GRIA1: variants seen among roughly 807,000 people sequenced by gnomAD.
The protein encoded by GRIA1 is glutamate receptor 1.
Under a neutral mutation model 99.2 loss-of-function variants are expected in GRIA1, and 31 were observed. The ratio of observed to expected loss-of-function variants is 0.31; its 90% CI spans 0.23 to 0.42. The LOEUF is 0.42. Ranked by LOEUF, GRIA1 falls within the 10% of genes least tolerant of loss-of-function variation. The probability of loss-of-function intolerance (pLI) is 1.00; values close to 1 mark genes in which losing one functional copy is unlikely to be tolerated. For missense variants in GRIA1, 782 were observed against 1,157.5 expected, an observed-to-expected ratio of 0.68 and a Z score of 4.71; for synonymous variants, 438 against 432.4, an observed-to-expected ratio of 1.01 and a Z score of -0.16.
chr5:153,718,550 TCA>T (rs1349459703), intron 11 of GRIA1, among the ~76,000 whole-genome samples: 1 of 152,190 alleles, frequency 6.6e-6, no homozygotes, highest in African/African-American at 2.4e-5. Context: ...CCATTGAGTC[TCA>T]GTTTCCTCAA....
intron 2 of GRIA1, among the ~76,000 whole-genome samples, chr5:153,644,637 G>C (rs2149450506): frequency 6.6e-6 from 1 of 152,148 alleles, no homozygotes; most frequent in East Asian, 1.9e-4. Context: ...AATTATTTTA[G>C]ATTAATTAAA....
chr5:153,694,067 A>G (rs1253134283), intron 8 of GRIA1, among the ~76,000 whole-genome samples: 2 of 152,214 alleles, frequency 1.3e-5, no homozygotes, highest in Non-Finnish European at 2.9e-5. Context: ...TTTGTTTACA[A>G]TTTCTAACTA....
intron 11 of GRIA1, among the ~76,000 whole-genome samples, chr5:153,746,283 G>A (rs1762153022): frequency 6.6e-6 from 1 of 152,304 alleles, no homozygotes; most frequent in Non-Finnish European, 1.5e-5. Flanking sequence ...ATGTGGGAGG[G>A]AGGGACTGAG....
intron 2 of GRIA1, among the ~76,000 whole-genome samples, chr5:153,575,501 G>T (rs1333139397): frequency 6.6e-6 from 1 of 152,196 alleles, no homozygotes; most frequent in Non-Finnish European, 1.5e-5. Flanking sequence ...AAGTCCTAAA[G>T]GCTGTGAAAA....
intron 2 of GRIA1, among the ~76,000 whole-genome samples, chr5:153,508,026 A>G (rs763251847): frequency 6.6e-6 from 1 of 152,220 alleles, no homozygotes; most frequent in Non-Finnish European, 1.5e-5. Flanking sequence ...CAAAACCAGC[A>G]AACTCCCTGT....
chr5:153,557,458 C>T (rs914531894), intron 2 of GRIA1, among the ~76,000 whole-genome samples: 6 of 152,134 alleles, frequency 3.9e-5, no homozygotes, highest in Non-Finnish European at 7.3e-5. Flanking sequence ...GTGAACTTGG[C>T]TTACTGTAAT....
intron 2 of GRIA1, among the ~76,000 whole-genome samples, chr5:153,499,169 C>G (rs1050545653): frequency 3.9e-5 from 6 of 152,130 alleles, no homozygotes; most frequent in Non-Finnish European, 7.4e-5. Context: ...TTATAACTGT[C>G]TTGAAAGGTG....
intron 2 of GRIA1, among the ~76,000 whole-genome samples, chr5:153,511,821 G>A (rs376835179): frequency 3.9e-5 from 6 of 152,128 alleles, no homozygotes; most frequent in East Asian, 1.9e-4. Flanking sequence ...AGGAATTGCC[G>A]GTGATTTCAG....
intron 13 of GRIA1, among the ~76,000 whole-genome samples, chr5:153,772,711 G>T (rs1344880173): frequency 6.6e-6 from 1 of 152,120 alleles, no homozygotes; most frequent in Non-Finnish European, 1.5e-5. Flanking sequence ...GTTCAAAGGG[G>T]ATTCAGATGA....
chr5:153,753,250 T>C (rs1170449090), intron 11 of GRIA1, among the ~76,000 whole-genome samples: 1 of 152,196 alleles, frequency 6.6e-6, no homozygotes, highest in African/African-American at 2.4e-5. Context: ...CATTGTGTTA[T>C]GCAACAATGG....
At chr5:153,698,762 C>T in intron 9 of GRIA1, 105 bp from the exon 10 acceptor site, 1 of 740,944 alleles carries the variant, frequency 1.3e-6, no homozygotes, top group Non-Finnish European at 2.4e-6. Context: ...GCTAGAGAGC[C>T]TTCCCCAGTG....
chr5:153,640,090 C>G (rs972558442), intron 2 of GRIA1, among the ~76,000 whole-genome samples: 1 of 152,156 alleles, frequency 6.6e-6, no homozygotes, highest in Non-Finnish European at 1.5e-5. Flanking sequence ...TGCCCTGGCC[C>G]CCTGCCCTTG....
intron 2 of GRIA1, among the ~76,000 whole-genome samples, chr5:153,634,953 C>G (rs1439525419): frequency 6.6e-6 from 1 of 152,100 alleles, no homozygotes; most frequent in Non-Finnish European, 1.5e-5. Flanking sequence ...TTTATTTTAT[C>G]CTTCATTTTT....
intron 2 of GRIA1, among the ~76,000 whole-genome samples, chr5:153,542,820 C>CT (rs895630331): frequency 9.9e-5 from 15 of 151,346 alleles, no homozygotes; most frequent in East Asian, 5.8e-4. Flanking sequence ...TCCATAGTGC[C>CT]TTTTTTTTTC....
intron 2 of GRIA1, among the ~76,000 whole-genome samples, chr5:153,502,764 C>A (rs753629272): frequency 1.3e-5 from 2 of 152,196 alleles, no homozygotes; most frequent in East Asian, 1.9e-4. Context: ...TATGGTTAGG[C>A]GTGTTTCCAT....
chr5:153,529,086 T>C (rs1208259110), intron 2 of GRIA1, among the ~76,000 whole-genome samples: 2 of 152,228 alleles, frequency 1.3e-5, no homozygotes, highest in Non-Finnish European at 2.9e-5. Context: ...AGGGTCATGT[T>C]TGCCTATTTT....
intron 2 of GRIA1, among the ~76,000 whole-genome samples, chr5:153,587,219 C>G (rs926820661): frequency 6.6e-6 from 1 of 152,088 alleles, no homozygotes; most frequent in African/African-American, 2.4e-5. Flanking sequence ...GGACTGACTT[C>G]TCATAAGATC....
At chr5:153,513,860 G>T (rs750244539) in intron 2 of GRIA1, among the ~76,000 whole-genome samples, 3 of 152,130 alleles carry the variant, frequency 2.0e-5, no homozygotes, top group Non-Finnish European at 4.4e-5. Context: ...GTCAAATGGG[G>T]TTAATAACAA....
chr5:153,490,982 G>A lies in GRIA1; in HGVS notation c.82+12G>A. ...CAATATCCAGATCGGTGAGTGAGGG[G>A]GCAGCCTGGGGAGGGACTTTCTGGG... is the stretch of plus-strand genomic sequence containing the variant. On this transcript the variant is annotated intron_variant, in intron 1 of 15. Transcript: ENST00000285900. 1 of 1,612,342 alleles carries A rather than the reference G, an allele frequency of 6.2e-7. No homozygotes were observed. Among genetic ancestry groups the A allele is most frequent in the South Asian group, 1.1e-5 (1 of 91,020 alleles).
Sources: allele counts gnomAD v4.1 joint callset (sites outside exome capture counted in the v4.1 genomes callset), GRCh38; gene constraint gnomAD v4.1.1; transcripts MANE v1.5; gene names NCBI Gene and HGNC (gene_info 2026-07-23, HGNC 2026-07-21).